Variants in CADM2 observed in about 807,000 individuals in gnomAD.
The protein encoded by CADM2 is immunoglobulin superfamily member 4D.
In CADM2, 12 loss-of-function variants were observed where a neutral mutation model predicts 49.8. That is an observed-to-expected ratio of 0.24 (90% CI 0.15 to 0.39). CADM2 has a LOEUF of 0.39. Among genes scored for constraint, CADM2 ranks in the 10% least tolerant of loss-of-function variants. The pLI is 1.00. For synonymous variants in CADM2, 214 were observed against 175.4 expected (o/e 1.22, Z -1.74); for missense variants, 378 against 492.3 (o/e 0.77, Z 2.20).
chr3:85,973,244 G>A (rs1433249227), intron 8 of CADM2, among the ~76,000 whole-genome samples: 1 of 151,718 alleles, frequency 6.6e-6, no homozygotes, highest in African/African-American at 2.4e-5. Context: ...GTCCATCCCT[G>A]TAGTCCCAGC....
chr3:85,272,872 A>G (rs2043272907), intron 1 of CADM2, among the ~76,000 whole-genome samples: 1 of 151,248 alleles, frequency 6.6e-6, no homozygotes, highest in South Asian at 2.1e-4. Flanking sequence ...TTCACCTTTC[A>G]TTGCAGTAAG....
At chr3:85,333,963 T>C (rs2045008573) in intron 1 of CADM2, among the ~76,000 whole-genome samples, 1 of 151,710 alleles carries the variant, frequency 6.6e-6, no homozygotes, top group South Asian at 2.1e-4. Context: ...ATGAGTAAAA[T>C]AATGTTTTTT....
At chr3:85,382,020 A>T (rs1452143069) in intron 1 of CADM2, among the ~76,000 whole-genome samples, 1 of 151,896 alleles carries the variant, frequency 6.6e-6, no homozygotes, top group Non-Finnish European at 1.5e-5. Context: ...GGTGCTAAAA[A>T]GTTAGGTGTG....
At chr3:85,400,252 T>C (rs1413139022) in intron 1 of CADM2, among the ~76,000 whole-genome samples, 1 of 152,196 alleles carries the variant, frequency 6.6e-6, no homozygotes, top group Non-Finnish European at 1.5e-5. Flanking sequence ...GGATTACATT[T>C]ATTGATTTGC....
chr3:85,637,946 T>A (rs1208094706), intron 1 of CADM2, among the ~76,000 whole-genome samples: 1 of 152,140 alleles, frequency 6.6e-6, no homozygotes, highest in Non-Finnish European at 1.5e-5. Flanking sequence ...GGTCCCACAA[T>A]CTGATGTTTA....
At chr3:85,392,796 A>G (rs1415498077) in intron 1 of CADM2, among the ~76,000 whole-genome samples, 1 of 152,120 alleles carries the variant, frequency 6.6e-6, no homozygotes, top group African/African-American at 2.4e-5. Context: ...AAATAAAACA[A>G]AGCAAAACAT....
intron 4 of CADM2, among the ~76,000 whole-genome samples, chr3:85,885,877 A>T (rs757482486): frequency 6.7e-6 from 1 of 149,738 alleles, no homozygotes; most frequent in South Asian, 2.1e-4. Flanking sequence ...AAAAATTACA[A>T]TTTAATTTAA....
intron 1 of CADM2, among the ~76,000 whole-genome samples, chr3:85,123,147 T>A (rs1470625753): frequency 6.6e-6 from 1 of 152,154 alleles, no homozygotes; most frequent in Non-Finnish European, 1.5e-5. Context: ...TGCTTTTTTC[T>A]TTTCCTCCTA....
At chr3:85,992,029 T>G (rs928761983) in intron 8 of CADM2, among the ~76,000 whole-genome samples, 3 of 151,844 alleles carry the variant, frequency 2.0e-5, no homozygotes, top group Admixed American at 2.0e-4. Flanking sequence ...AAAACCACAT[T>G]AGTTAAATTC....
chr3:85,978,104 G>A (rs1727017492), intron 8 of CADM2, among the ~76,000 whole-genome samples: 1 of 151,512 alleles, frequency 6.6e-6, no homozygotes, highest in Non-Finnish European at 1.5e-5. Flanking sequence ...AGTAATTATT[G>A]GTAATTTGGA....
chr3:85,143,099 A>T (rs116469379), intron 1 of CADM2, among the ~76,000 whole-genome samples: 4,622 of 152,318 alleles, frequency 0.03, 100 homozygotes, highest in East Asian at 0.044. Flanking sequence ...AACAGGCAAG[A>T]GATGACAACT....
chr3:86,012,563 G>A, intron 8 of CADM2: 1 of 1,526,684 alleles, frequency 6.6e-7, no homozygotes, highest in Non-Finnish European at 8.8e-7. Flanking sequence ...GGGCGAAGAT[G>A]CCGAACTTCT....
chr3:85,150,614 G>A (rs1028295347), intron 1 of CADM2, among the ~76,000 whole-genome samples: 2 of 152,008 alleles, frequency 1.3e-5, no homozygotes, highest in Non-Finnish European at 2.9e-5. Flanking sequence ...CATTAAGAAA[G>A]TCATTTGGGG....
At chr3:85,611,686 G>A (rs2063686616) in intron 1 of CADM2, among the ~76,000 whole-genome samples, 1 of 148,044 alleles carries the variant, frequency 6.8e-6, no homozygotes, top group Non-Finnish European at 1.5e-5. Context: ...TGGAAGATGA[G>A]TATCAACTCA....
rs941043642 is a variant in CADM2, at chr3:85,321,490, T to A, written c.61+361822T>A. On this transcript the variant is annotated intron_variant, in intron 1 of 9. Coordinates refer to ENST00000383699, the MANE Select transcript of CADM2 (RefSeq NM_001167675.2). ...ATGAGCCACTGCACCCAAACACTTA[T>A]TTTTATTTTAATTAGTATTATAGAC... Among the ~76,000 whole-genome samples the A allele has an allele frequency of 2.0e-5, 3 of 152,000 alleles. No homozygotes were observed. The East Asian group carries it at 5.8e-4, about 29-fold the overall frequency.
At chr3:86,050,771 A>C (rs1737238622) in intron 8 of CADM2, among the ~76,000 whole-genome samples, 1 of 152,158 alleles carries the variant, frequency 6.6e-6, no homozygotes, top group Admixed American at 6.5e-5. Context: ...TTAGAGGTGG[A>C]GTGGCTGAGA....
intron 1 of CADM2, among the ~76,000 whole-genome samples, chr3:85,003,779 A>G (rs1224302250): frequency 1.3e-5 from 2 of 152,192 alleles, no homozygotes; most frequent in East Asian, 1.9e-4. Flanking sequence ...TGAAAACCCT[A>G]TTTTTAAAGT....
At chr3:85,540,324 T>A (rs192052783) in intron 1 of CADM2, among the ~76,000 whole-genome samples, 117 of 152,264 alleles carry the variant, frequency 7.7e-4, no homozygotes, top group African/African-American at 2.7e-3. Context: ...GTATTTTGAC[T>A]TTTTTAGGTA....
intron 8 of CADM2, chr3:85,992,841 G>A (rs1728947601): frequency 6.6e-6 from 1 of 152,076 alleles, no homozygotes; most frequent in African/African-American, 2.4e-5. Flanking sequence ...AGAGTGGTAA[G>A]GCAATTTCTT....
Sources: allele counts gnomAD v4.1 joint callset (sites outside exome capture counted in the v4.1 genomes callset), GRCh38; gene constraint gnomAD v4.1.1; transcripts MANE v1.5; gene names NCBI Gene and HGNC (gene_info 2026-07-23, HGNC 2026-07-21).